UBASH3A: variants seen among roughly 807,000 people sequenced by gnomAD.
UBASH3A encodes ubiquitin-associated and SH3 domain-containing protein A.
In UBASH3A, 63 loss-of-function variants were observed where a neutral mutation model predicts 73.5. The ratio of observed to expected loss-of-function variants is 0.86; its 90% CI spans 0.70 to 1.06. The LOEUF is 1.06. UBASH3A is among the 50% of genes least tolerant of loss of function. UBASH3A has a pLI of 0.00. For missense variants in UBASH3A, 860 were observed against 859.0 expected, an observed-to-expected ratio of 1.00 and a Z score of -0.02; for synonymous variants, 363 against 351.1, an observed-to-expected ratio of 1.03 and a Z score of -0.38.
intron 3 of UBASH3A, chr21:42,410,434 C>T (rs2146498306): frequency 1.9e-6 from 1 of 521,112 alleles, no homozygotes; most frequent in Admixed American, 3.4e-5. Context: ...CCAGGCCCCT[C>T]GGTGCTGGAT....
chr21:42,445,904 G>A (rs913929178), intron 14 of UBASH3A, among the ~76,000 whole-genome samples: 1 of 152,062 alleles, frequency 6.6e-6, no homozygotes, highest in African/African-American at 2.4e-5. Context: ...GACTGTCCGG[G>A]GCAGCCCCGG....
intron 11 of UBASH3A, among the ~76,000 whole-genome samples, chr21:42,442,216 G>GT (rs1410193726): frequency 7.2e-5 from 11 of 152,278 alleles, no homozygotes; most frequent in Non-Finnish European, 1.6e-4. Flanking sequence ...GGCCCTTCCT[G>GT]GCACACAGGG....
chr21:42,426,378 G>A (rs1235453008), intron 7 of UBASH3A, among the ~76,000 whole-genome samples: 1 of 152,238 alleles, frequency 6.6e-6, no homozygotes, highest in East Asian at 1.9e-4. Context: ...TGACTTAAAT[G>A]TTAATCTCAT....
chr21:42,426,480 C>T (rs555017614), intron 7 of UBASH3A, among the ~76,000 whole-genome samples: 23 of 152,226 alleles, frequency 1.5e-4, no homozygotes, highest in Admixed American at 1.0e-3. Flanking sequence ...GTAAAATTAC[C>T]CATCATAGAC....
At position 42,431,689 on chromosome 21, in the gene UBASH3A, G is replaced by T. The variant is rs191797715; in HGVS notation, c.1171-414G>T. Among the ~76,000 whole-genome samples, 91 of 152,310 alleles carry T rather than the reference G, an allele frequency of 6.0e-4. 1 individual carries two copies. The highest frequency in any genetic ancestry group is 9.4e-4 in the Non-Finnish European group (64 of 68,016). On this transcript the variant is annotated intron_variant, in intron 8 of 14. Transcript: ENST00000319294. ...AGTCCTGGAGGGTTTCTCAGAAGAA[G>T]TGTGCCAGCAAGAGAGGAGACTAGA...
At chr21:42,432,967 A>C (rs2053561716) in intron 9 of UBASH3A, among the ~76,000 whole-genome samples, 1 of 152,236 alleles carries the variant, frequency 6.6e-6, no homozygotes, top group Admixed American at 6.5e-5. Context: ...ACATATAAGA[A>C]ACTTTTTTTC....
intron 13 of UBASH3A, among the ~76,000 whole-genome samples, chr21:42,444,014 C>T (rs528476689): frequency 7.9e-5 from 12 of 152,324 alleles, no homozygotes; most frequent in East Asian, 5.8e-4. Flanking sequence ...CTAACCCTCC[C>T]GTGTTGCTTT....
At chr21:42,414,981 C>T (rs35940194) in intron 5 of UBASH3A, among the ~76,000 whole-genome samples, 55,232 of 151,706 alleles carry the variant, frequency 0.36, 10,504 homozygotes, top group African/African-American at 0.46. Flanking sequence ...CGACCCTAAG[C>T]AGGCTGTGTC....
intron 11 of UBASH3A, among the ~76,000 whole-genome samples, chr21:42,442,084 G>A (rs1299067197): frequency 6.6e-6 from 1 of 152,048 alleles, no homozygotes; most frequent in Non-Finnish European, 1.5e-5. Context: ...TTGATCATTG[G>A]ATCTGCCATG....
chr21:42,442,675 G>A, intron 12 of UBASH3A, 79 bp downstream of exon 12: 4 of 1,478,920 alleles, frequency 2.7e-6, no homozygotes, highest in Non-Finnish European at 3.7e-6. Context: ...CTGTTAAAAT[G>A]GTAAGAAAGA....
rs187833884 is a variant in UBASH3A, at chr21:42,419,492, A to G, written c.1046+883A>G. 6.3e-3 allele frequency among the ~76,000 whole-genome samples: 961 copies of G among 152,294 alleles called. 6 individuals are homozygous for G. Among genetic ancestry groups the G allele is most frequent in the African/African-American group, 0.022 (907 of 41,548 alleles). ...CATTAAACTCTCTGGCACACATGGG[A>G]AGGATCCTCCTTGCTCCGATTTCCT... On this transcript the variant is annotated intron_variant, in intron 7 of 14. Coordinates refer to ENST00000319294, the MANE Select transcript of UBASH3A (RefSeq NM_018961.4).
intron 8 of UBASH3A, among the ~76,000 whole-genome samples, chr21:42,431,281 G>A (rs2053524047): frequency 6.6e-6 from 1 of 152,202 alleles, no homozygotes; most frequent in African/African-American, 2.4e-5. Flanking sequence ...CCTCCCAAAG[G>A]GTAGCCAGCC....
At chr21:42,426,654 A>G in intron 7 of UBASH3A, 43 bp from the exon 8 acceptor site, 1 of 1,605,876 alleles carries the variant, frequency 6.2e-7, no homozygotes. Context: ...TGGCAACAAC[A>G]TGGTCTCACT....
At chr21:42,431,429 G>C (rs975185008) in intron 8 of UBASH3A, among the ~76,000 whole-genome samples, 1 of 152,258 alleles carries the variant, frequency 6.6e-6, no homozygotes, top group African/African-American at 2.4e-5. Flanking sequence ...AGGTGCCAGA[G>C]AGCTGCTGTC....
At chr21:42,409,177 A>C (rs1417671350) in intron 2 of UBASH3A, among the ~76,000 whole-genome samples, 1 of 152,170 alleles carries the variant, frequency 6.6e-6, no homozygotes, top group Admixed American at 6.5e-5. Context: ...TGACTTTGGA[A>C]TCAGACTAAG....
rs142228419 is a variant in UBASH3A at position 42,446,596 on chromosome 21, G to A, written c.1849-461G>A. Among the ~76,000 whole-genome samples the A allele has an allele frequency of 1.6e-4, 25 of 152,368 alleles. No homozygotes were observed. The East Asian group carries it at 4.4e-3, about 27-fold the overall frequency. ...TCACACATCCATTTCACAGATGAAG[G>A]GATGGAGGTCTAAAGGTTCACTTTG... is the stretch of plus-strand genomic sequence containing the variant. On this transcript the variant is annotated intron_variant, in intron 14 of 14. Coordinates refer to ENST00000319294, the MANE Select transcript of UBASH3A (RefSeq NM_018961.4).
At chr21:42,411,670 C>T (rs557164227) in intron 3 of UBASH3A, among the ~76,000 whole-genome samples, 15 of 152,298 alleles carry the variant, frequency 9.8e-5, no homozygotes, top group African/African-American at 3.1e-4. Flanking sequence ...CTGGCCTGGC[C>T]GTGGTTAGTG....
At chr21:42,424,158 G>A (rs868492) in intron 7 of UBASH3A, among the ~76,000 whole-genome samples, 220 of 151,968 alleles carry the variant, frequency 1.4e-3, no homozygotes, top group Non-Finnish European at 2.1e-3. Flanking sequence ...TACTTCCTAC[G>A]AGCCCTGGTC....
Position 42,413,059 on chromosome 21 carries a change from G to A in UBASH3A, c.390G>A (p.Ala130=), listed in dbSNP as rs141710800. Residue 130 remains alanine, a synonymous_variant, in exon 4 of 15, where the codon GCG becomes GCA. Coordinates refer to ENST00000319294, the MANE Select transcript of UBASH3A (RefSeq NM_018961.4). The surrounding 1 kb of genome is among the most constrained non-coding windows in gnomAD (Gnocchi z 4.5). ...AGAAGGTGGAATGCCTGTACGAGGC[G>A]CTGAAGAGAGCTGGAGACAGGCTCC... is the stretch of plus-strand genomic sequence containing the variant. The part of the protein sequence containing the change: ...EDQKVECLYE[A]LKRAGDRLLG... 35 of 1,614,118 alleles carry A rather than the reference G, an allele frequency of 2.2e-5. No individual in the cohort carries two copies. Among genetic ancestry groups the A allele is most frequent in the Middle Eastern group, 1.6e-4 (1 of 6,082 alleles).
Sources: allele counts gnomAD v4.1 joint callset (sites outside exome capture counted in the v4.1 genomes callset), GRCh38; gene constraint gnomAD v4.1.1; non-coding constraint Gnocchi (gnomAD v3.1); transcripts MANE v1.5; gene names NCBI Gene and HGNC (gene_info 2026-07-23, HGNC 2026-07-21).